FGD4: variants seen among roughly 807,000 people sequenced by gnomAD.
FGD4 encodes the protein FYVE, RhoGEF and PH domain-containing protein 4.
Under a neutral mutation model 102.0 loss-of-function variants are expected in FGD4, and 42 were observed. The ratio of observed to expected loss-of-function variants is 0.41; its 90% CI spans 0.32 to 0.53. FGD4 has a LOEUF of 0.53. FGD4 is among the 20% of genes least tolerant of loss of function. The pLI, the probability that FGD4 is intolerant of heterozygous loss-of-function variation, is 0.21. For missense variants in FGD4, 902 were observed against 1,078.2 expected (o/e 0.84, Z 2.29); for synonymous variants, 380 against 375.7 (o/e 1.01, Z -0.13).
chr12:32,632,023 A>G (rs1950527708), intron 14 of FGD4, among the ~76,000 whole-genome samples: 1 of 152,218 alleles, frequency 6.6e-6, no homozygotes. Context: ...GAGTAATTTC[A>G]TTGTAATTAT....
intron 7 of FGD4, among the ~76,000 whole-genome samples, chr12:32,606,317 A>T (rs982190177): frequency 1.3e-5 from 2 of 152,052 alleles, no homozygotes; most frequent in African/African-American, 2.4e-5. Flanking sequence ...CTAAAGCCAC[A>T]CTGCAGTAGA....
chr12:32,441,355 C>T (rs1313829281), intron 1 of FGD4, among the ~76,000 whole-genome samples: 3 of 152,008 alleles, frequency 2.0e-5, no homozygotes, highest in Non-Finnish European at 2.9e-5. Flanking sequence ...CTTCACTTTG[C>T]TGGTGATGAA....
rs1951198026 is a variant in FGD4 at position 32,642,420 on chromosome 12, T to C, written c.*1887T>C. 6.6e-6 allele frequency: 1 copy of C among 152,050 alleles called. No homozygotes were observed. Among genetic ancestry groups the C allele is most frequent in the Non-Finnish European group, 1.5e-5 (1 of 67,960 alleles). 9.4% of individuals were successfully genotyped at this position (152,050 alleles called of 1,614,324 possible). On this transcript the variant is annotated 3_prime_UTR_variant, in exon 17 of 17. Transcript: ENST00000534526. ...GCAATGGAAATACAGAATGATTAAC[T>C]GGGGAAGAGGACTTTTGTAAGTGTG...
intron 1 of FGD4, among the ~76,000 whole-genome samples, chr12:32,449,073 G>T (rs1314047376): frequency 6.6e-6 from 1 of 152,084 alleles, no homozygotes; most frequent in Non-Finnish European, 1.5e-5. Context: ...ACGAGATGTG[G>T]TTCCTATATA....
At chr12:32,512,986 A>G (rs1201067872) in intron 1 of FGD4, among the ~76,000 whole-genome samples, 1 of 152,222 alleles carries the variant, frequency 6.6e-6, no homozygotes, top group Non-Finnish European at 1.5e-5. Context: ...GGCAACCTGG[A>G]CATTCATTTA....
chr12:32,554,963 T>A (rs1438405232), intron 1 of FGD4, among the ~76,000 whole-genome samples: 1 of 152,238 alleles, frequency 6.6e-6, no homozygotes, highest in African/African-American at 2.4e-5. Flanking sequence ...TTACTCTCAG[T>A]AGAATGTGGA....
intron 1 of FGD4, among the ~76,000 whole-genome samples, chr12:32,523,909 C>T (rs34300980): frequency 0.1 from 15,516 of 151,632 alleles, 1,452 homozygotes; most frequent in African/African-American, 0.25. Context: ...ACCCGGGAGG[C>T]GGAGCTTGCA....
Position 32,588,958 on chromosome 12 carries a change from G to A in FGD4, c.1011+6491G>A, listed in dbSNP as rs1052356641. Among the ~76,000 whole-genome samples the A allele has an allele frequency of 2.0e-5, 3 of 152,118 alleles. No individual in the cohort carries two copies. In the South Asian group the frequency reaches 6.2e-4, roughly 32 times the overall value. The stretch of plus-strand genomic sequence containing the variant: ...TAAAAAGCCAGATACCTAACCTAGT[G>A]GTCAGGAACACAGACTCAAGAGCCA... On this transcript the variant is annotated intron_variant, in intron 4 of 16. Transcript: ENST00000534526.
chr12:32,620,524 T>TTTC (rs1565915749), intron 11 of FGD4, among the ~76,000 whole-genome samples: 5 of 42,498 alleles, frequency 1.2e-4, no homozygotes, highest in Non-Finnish European at 2.0e-4. Flanking sequence ...TTCTTTCTTT[T>TTTC]TTTTTTTTTT....
At chr12:32,493,017 T>C (rs539088064) in intron 1 of FGD4, among the ~76,000 whole-genome samples, 147 of 152,324 alleles carry the variant, frequency 9.7e-4, no homozygotes, top group African/African-American at 3.3e-3. Context: ...CCAGGCCTGC[T>C]GACTCTTTTT....
Position 32,582,469 on chromosome 12 carries a change from T to C in FGD4, c.1011+2T>C, listed in dbSNP as rs772341907. The C allele has an allele frequency of 6.2e-7, 1 of 1,608,846 alleles. No individual in the cohort carries two copies. The highest frequency in any genetic ancestry group is 8.5e-7 in the Non-Finnish European group (1 of 1,179,984). Reference sequence around the variant, plus strand: ...CTGGACCAGCACCATGAGATGAAGGTAGAGCATGAGACTAGCTCATGAGCA... The same window carrying C: ...CTGGACCAGCACCATGAGATGAAGGCAGAGCATGAGACTAGCTCATGAGCA... On this transcript the variant is annotated splice_donor_variant, in intron 4 of 16. Coordinates refer to ENST00000534526, the MANE Select transcript of FGD4 (RefSeq NM_001370298.3). LOFTEE classifies it high-confidence loss of function.
intron 1 of FGD4, among the ~76,000 whole-genome samples, chr12:32,436,718 G>GA (rs930547099): frequency 6.6e-6 from 1 of 152,122 alleles, no homozygotes; most frequent in Non-Finnish European, 1.5e-5. Context: ...CTAGGTCCCA[G>GA]AAAAAAAGCT....
At chr12:32,557,404 C>A (rs1346738057) in intron 1 of FGD4, among the ~76,000 whole-genome samples, 1 of 152,056 alleles carries the variant, frequency 6.6e-6, no homozygotes, top group East Asian at 1.9e-4. Context: ...ATAACTTATT[C>A]TTTTTAAAAA....
At chr12:32,503,973 A>T (rs925285189) in intron 1 of FGD4, among the ~76,000 whole-genome samples, 2 of 152,194 alleles carry the variant, frequency 1.3e-5, no homozygotes, top group African/African-American at 2.4e-5. Flanking sequence ...GGTAGGCTAG[A>T]TAAATCCGTA....
intron 1 of FGD4, among the ~76,000 whole-genome samples, chr12:32,407,735 A>G (rs1391531068): frequency 1.3e-5 from 2 of 152,136 alleles, no homozygotes; most frequent in African/African-American, 4.8e-5. Context: ...GTAGACCTGA[A>G]TTTGTGCCGA....
chr12:32,528,779 T>C (rs1941511018), intron 1 of FGD4, among the ~76,000 whole-genome samples: 1 of 152,202 alleles, frequency 6.6e-6, no homozygotes, highest in African/African-American at 2.4e-5. Context: ...AAAATTTATA[T>C]TTTTTGTTGT....
chr12:32,517,242 G>T (rs188813044), intron 1 of FGD4, among the ~76,000 whole-genome samples: 156 of 152,246 alleles, frequency 1.0e-3, no homozygotes, highest in African/African-American at 3.6e-3. Flanking sequence ...GCTTGCCCAG[G>T]CGTCACAGGT....
At chr12:32,510,425 AT>A (rs1939240390) in intron 1 of FGD4, among the ~76,000 whole-genome samples, 1 of 152,224 alleles carries the variant, frequency 6.6e-6, no homozygotes, top group Non-Finnish European at 1.5e-5. Context: ...AATTCTAGTA[AT>A]AACACTAGTT....
At position 32,633,595 on chromosome 12, in the gene FGD4, ATGG is replaced by A. The variant is rs1565932476; in HGVS notation, c.2224_2226del (p.Gly742del). 1.9e-6 allele frequency: 3 copies of A among 1,613,922 alleles called. No homozygotes were observed. The highest frequency in any genetic ancestry group is 2.2e-5 in the South Asian group (2 of 91,076). ...GACTACAAAGCTCAACTTGAATATG[ATGG>A]TGGTAAATTGAGCAAAGTTTGTAAA... On this transcript the variant is annotated inframe_deletion, in exon 15 of 17. Coordinates refer to ENST00000534526, the MANE Select transcript of FGD4 (RefSeq NM_001370298.3).
Sources: gnomAD v4.1 joint callset for allele counts (sites outside exome capture counted in the v4.1 genomes callset) on GRCh38, gnomAD v4.1.1 for gene constraint, MANE v1.5 for transcripts, NCBI Gene and HGNC (gene_info 2026-07-23, HGNC 2026-07-21) for gene names.